The following SUGCT variants were observed in gnomAD, a reference collection of about 807,000 sequenced individuals.
SUGCT encodes the protein succinyl-CoA:glutarate-CoA transferase.
A neutral mutation model predicts 55.0 loss-of-function variants in SUGCT; 41 were observed. The observed-to-expected ratio is 0.74, with a 90% CI of 0.58 to 0.97. The LOEUF (loss-of-function observed/expected upper bound fraction) is 0.97. SUGCT is among the 50% of genes least tolerant of loss of function. SUGCT has a pLI of 0.00. For synonymous variants in SUGCT, 187 were observed against 200.4 expected, an observed-to-expected ratio of 0.93 and a Z score of 0.56; for missense variants, 568 against 547.8, an observed-to-expected ratio of 1.04 and a Z score of -0.37.
chr7:40,241,403 A>T (rs1249992874), intron 7 of SUGCT, among the ~76,000 whole-genome samples: 1 of 151,542 alleles, frequency 6.6e-6, no homozygotes, highest in Non-Finnish European at 1.5e-5. Flanking sequence ...ACATGGTGAA[A>T]CCCCGTCTCT....
chr7:40,237,765 T>C, intron 7 of SUGCT, 39 bp downstream of exon 7: 2 of 1,553,698 alleles, frequency 1.3e-6, no homozygotes, highest in East Asian at 2.2e-5. Flanking sequence ...ATTTCTTCCC[T>C]TACATATTCC....
chr7:40,490,355 C>T (rs1791613346), intron 11 of SUGCT, among the ~76,000 whole-genome samples: 1 of 152,054 alleles, frequency 6.6e-6, no homozygotes, highest in Admixed American at 6.6e-5. Context: ...GTGGTCTAGC[C>T]CTGCTGGTAC....
chr7:40,581,708 C>A (rs1797101456), intron 12 of SUGCT, among the ~76,000 whole-genome samples: 1 of 151,968 alleles, frequency 6.6e-6, no homozygotes, highest in African/African-American at 2.4e-5. Flanking sequence ...ATAGGAACAC[C>A]CATAGGCTAG....
chr7:40,420,763 T>C (rs986820681), intron 9 of SUGCT, among the ~76,000 whole-genome samples: 4 of 152,064 alleles, frequency 2.6e-5, no homozygotes, highest in African/African-American at 9.7e-5. Flanking sequence ...TTCACTTGCC[T>C]GGACTACTGT....
chr7:40,565,967 TCACA>T lies in SUGCT; in HGVS notation c.1089+69603_1089+69606del, dbSNP rs377518526. 6.0e-3 allele frequency among the ~76,000 whole-genome samples: 814 copies of T among 134,728 alleles called. 6 individuals are homozygous for T. Among genetic ancestry groups the T allele is most frequent in the African/African-American group, 0.016 (585 of 35,856 alleles). 88.4% of individuals were successfully genotyped at this position (134,728 alleles called of 152,430 possible). A position where few individuals can be genotyped will look rare whatever the true frequency, so the allele number is the denominator to read the frequency against. ...TTCGTAGTGATCAACACCTGGCATATCACACACACACACACACACACACACGCAC... is the reference window on the plus strand; with the variant it reads ...TTCGTAGTGATCAACACCTGGCATATCACACACACACACACACACACGCAC... On this transcript the variant is annotated intron_variant, in intron 12 of 13. Coordinates refer to ENST00000335693, the MANE Select transcript of SUGCT (RefSeq NM_001193313.2).
intron 7 of SUGCT, among the ~76,000 whole-genome samples, chr7:40,270,315 G>T (rs1226802939): frequency 6.6e-6 from 1 of 151,740 alleles, no homozygotes; most frequent in African/African-American, 2.4e-5. Flanking sequence ...TGCTTTTGAT[G>T]TCATATCAAA....
At chr7:40,433,652 A>G (rs1409548522) in intron 9 of SUGCT, among the ~76,000 whole-genome samples, 1 of 152,106 alleles carries the variant, frequency 6.6e-6, no homozygotes, top group East Asian at 1.9e-4. Context: ...ATTCTCTTCA[A>G]CCAGGGAAGA....
intron 13 of SUGCT, among the ~76,000 whole-genome samples, chr7:40,844,746 CT>C (rs1307101036): frequency 1.3e-5 from 2 of 152,252 alleles, no homozygotes; most frequent in Non-Finnish European, 2.9e-5. Flanking sequence ...CAGTACTTCC[CT>C]GCCTCCTGTC....
chr7:40,391,872 T>C (rs1295226625), intron 9 of SUGCT, among the ~76,000 whole-genome samples: 1 of 152,108 alleles, frequency 6.6e-6, no homozygotes, highest in African/African-American at 2.4e-5. Flanking sequence ...TAGCAAAGAC[T>C]TGGAACCAAC....
At chr7:40,153,286 A>G in intron 1 of SUGCT, 1 of 401,524 alleles carries the variant, frequency 2.5e-6, no homozygotes, top group Non-Finnish European at 4.8e-6. Flanking sequence ...CTGAGCCTCA[A>G]GTGTAAAGTT....
At chr7:40,948,340 C>T in the SUGCT span, among the ~76,000 whole-genome samples, 1 of 152,174 alleles carries the variant, frequency 6.6e-6, no homozygotes, top group Non-Finnish European at 1.5e-5. Context: ...AAGTAACTTT[C>T]TGCATCATTC....
At chr7:40,316,378 G>C (rs1368596652) in intron 8 of SUGCT, among the ~76,000 whole-genome samples, 1 of 151,958 alleles carries the variant, frequency 6.6e-6, no homozygotes, top group Admixed American at 6.6e-5. Flanking sequence ...GTGTTATCTT[G>C]GTGCAAAATA....
chr7:40,687,003 T>C (rs1368758252), intron 12 of SUGCT, among the ~76,000 whole-genome samples: 1 of 152,154 alleles, frequency 6.6e-6, no homozygotes, highest in East Asian at 1.9e-4. Context: ...ATGTTTGAAC[T>C]GGCTTCTTTC....
rs1414620978 is a variant in SUGCT at position 40,496,269 on chromosome 7, T to G, written c.987-15T>G. Reference sequence around the variant, plus strand: ...CCTTCCTGTGTAAAAAATTTATCCTTGTTTGTCTTCTTAGGTTTGAAGAAG... The same window carrying G: ...CCTTCCTGTGTAAAAAATTTATCCTGGTTTGTCTTCTTAGGTTTGAAGAAG... On this transcript the variant is annotated splice_polypyrimidine_tract_variant and intron_variant, in intron 11 of 13. Transcript: ENST00000335693. 6.3e-7 allele frequency: 1 copy of G among 1,588,498 alleles called. No individual in the cohort carries two copies. The highest frequency in any genetic ancestry group is 8.6e-7 in the Non-Finnish European group (1 of 1,160,452).
intron 12 of SUGCT, among the ~76,000 whole-genome samples, chr7:40,726,706 G>A (rs759330805): frequency 3.3e-5 from 5 of 152,186 alleles, no homozygotes; most frequent in Non-Finnish European, 5.9e-5. Flanking sequence ...CGAATTGCCA[G>A]GTCTGTTTTG....
At chr7:40,620,048 A>G (rs1351827783) in intron 12 of SUGCT, among the ~76,000 whole-genome samples, 1 of 152,130 alleles carries the variant, frequency 6.6e-6, no homozygotes, top group East Asian at 1.9e-4. Context: ...CAATTTCCAT[A>G]CTCATACTTC....
chr7:40,806,983 A>T (rs1791132757), intron 13 of SUGCT, among the ~76,000 whole-genome samples: 1 of 152,308 alleles, frequency 6.6e-6, no homozygotes, highest in South Asian at 2.1e-4. Context: ...TAAGGAGGAT[A>T]TTCACTACCC....
At chr7:40,296,780 GTGTAATTGA>G (rs906805799) in intron 8 of SUGCT, among the ~76,000 whole-genome samples, 1 of 151,994 alleles carries the variant, frequency 6.6e-6, no homozygotes, top group Non-Finnish European at 1.5e-5. Context: ...GTTTGTGTGT[GTGTAATTGA>G]TTTCGAGCTT....
chr7:40,233,536 G>A (rs1584409739), intron 6 of SUGCT, among the ~76,000 whole-genome samples: 1 of 151,922 alleles, frequency 6.6e-6, no homozygotes, highest in Admixed American at 6.6e-5. Flanking sequence ...CAGCTTCTTC[G>A]CTATTATGAA....
Sources: allele counts gnomAD v4.1 joint callset (sites outside exome capture counted in the v4.1 genomes callset), GRCh38; gene constraint gnomAD v4.1.1; transcripts MANE v1.5; gene names NCBI Gene and HGNC (gene_info 2026-07-23, HGNC 2026-07-21).